Variants in MPRIP observed in about 807,000 individuals in gnomAD.
MPRIP encodes myosin phosphatase Rho interacting protein.
A neutral mutation model predicts 234.9 loss-of-function variants in MPRIP; 59 were observed. The observed-to-expected ratio is 0.25, with a 90% CI of 0.20 to 0.31. MPRIP has a LOEUF of 0.31. Ranked by LOEUF, MPRIP falls within the 10% of genes least tolerant of loss-of-function variation. The pLI, the probability that MPRIP is intolerant of heterozygous loss-of-function variation, is 1.00. For synonymous variants in MPRIP, 1,144 were observed against 1,263.9 expected, an observed-to-expected ratio of 0.91 and a Z score of 2.01; for missense variants, 2,436 against 3,071.0, an observed-to-expected ratio of 0.79 and a Z score of 4.89.
At chr17:17,169,866 C>A (rs1219841704) in intron 16 of MPRIP, among the ~76,000 whole-genome samples, 1 of 152,212 alleles carries the variant, frequency 6.6e-6, no homozygotes, top group African/African-American at 2.4e-5. Flanking sequence ...GAATGATTGG[C>A]TTAAATTAAC....
intron 2 of MPRIP, among the ~76,000 whole-genome samples, chr17:17,076,619 A>G (rs58472573): frequency 0.067 from 10,213 of 152,088 alleles, 494 homozygotes; most frequent in East Asian, 0.17. Context: ...TTCCTGGGAA[A>G]CATGTTCAGG....
At position 17,164,444 on chromosome 17, in the gene MPRIP, G is replaced by T. The variant is rs1279463570; in HGVS notation, c.2853G>T (p.Gln951His). Reference protein sequence around the residue: ...RQHSEAALSSQLRASEQKLKS... With the variant: ...RQHSEAALSSHLRASEQKLKS... The stretch of plus-strand genomic sequence containing the variant: ...ACAGCGAGGCGGCGCTGAGCAGCCA[G>T]CTGAGGGCTAGCGAGCAGAAGCTCA... The change falls in exon 16 of 24, where the codon CAG (glutamine) becomes CAT (histidine). Residue 951 changes from glutamine to histidine, a missense_variant. Gln to His is a conservative substitution (Grantham distance 24, BLOSUM62 0). This residue lies in a region of MPRIP where 1,998 missense variants were observed against 2,520.3 expected (regional missense o/e 0.79). Coordinates refer to ENST00000651222, the MANE Select transcript of MPRIP (RefSeq NM_001364716.4). 3.2e-6 allele frequency: 4 copies of T among 1,254,172 alleles called. No individual in the cohort carries two copies. Among genetic ancestry groups the T allele is most frequent in the African/African-American group, 3.1e-5 (2 of 64,676 alleles). The allele number at this position is 1,254,172 out of a possible 1,614,324, so 77.7% of individuals were successfully genotyped here. A position where few individuals can be genotyped will look rare whatever the true frequency, so the allele number is the denominator to read the frequency against.
At chr17:17,105,164 C>T (rs1437856290) in intron 3 of MPRIP, among the ~76,000 whole-genome samples, 1 of 152,202 alleles carries the variant, frequency 6.6e-6, no homozygotes, top group Non-Finnish European at 1.5e-5. Context: ...GGATGGGCAT[C>T]GCTTTCTCCC....
At chr17:17,139,512 T>G (rs1293751101) in intron 7 of MPRIP, among the ~76,000 whole-genome samples, 1 of 152,208 alleles carries the variant, frequency 6.6e-6, no homozygotes, top group Admixed American at 6.5e-5. Context: ...GTTCTGGAAG[T>G]CTTCTCAGAG....
chr17:17,047,769 T>C (rs1677149994), intron 1 of MPRIP, among the ~76,000 whole-genome samples: 1 of 152,110 alleles, frequency 6.6e-6, no homozygotes, highest in Non-Finnish European at 1.5e-5. Context: ...AAAAATAATA[T>C]GGTAAGTTTG....
At chr17:17,183,421 T>A (rs1219071745) in intron 23 of MPRIP, among the ~76,000 whole-genome samples, 1 of 152,216 alleles carries the variant, frequency 6.6e-6, no homozygotes, top group East Asian at 1.9e-4. Context: ...TTTCACTGTG[T>A]TAGCCAGGAT....
At chr17:17,111,724 G>A (rs2090175399) in intron 3 of MPRIP, among the ~76,000 whole-genome samples, 1 of 152,194 alleles carries the variant, frequency 6.6e-6, no homozygotes, top group African/African-American at 2.4e-5. Context: ...TGACTCAGCT[G>A]TTACGGGCGG....
intron 3 of MPRIP, among the ~76,000 whole-genome samples, chr17:17,091,434 C>T (rs1187690636): frequency 6.6e-6 from 1 of 152,176 alleles, no homozygotes; most frequent in African/African-American, 2.4e-5. Context: ...TCCCTCCCTG[C>T]CCGGATTGGT....
chr17:17,095,519 A>C (rs756113090), intron 3 of MPRIP, among the ~76,000 whole-genome samples: 1 of 152,098 alleles, frequency 6.6e-6, no homozygotes, highest in Admixed American at 6.5e-5. Flanking sequence ...TCTCCAATCT[A>C]GGAAGACCTG....
intron 3 of MPRIP, among the ~76,000 whole-genome samples, chr17:17,122,840 T>C (rs937586995): frequency 1.3e-5 from 2 of 152,226 alleles, no homozygotes; most frequent in African/African-American, 4.8e-5. Context: ...GTTAAACATA[T>C]AGTTTCCATA....
intron 3 of MPRIP, among the ~76,000 whole-genome samples, chr17:17,123,703 CAAAAAA>C (rs371753802): frequency 1.7e-5 from 1 of 59,296 alleles, no homozygotes; most frequent in East Asian, 4.4e-4. Context: ...GACTTCGTCT[CAAAAAA>C]AAAAAAAAAA....
chr17:17,183,426 C>T (rs1217067438), intron 23 of MPRIP, among the ~76,000 whole-genome samples: 2 of 152,184 alleles, frequency 1.3e-5, no homozygotes, highest in Non-Finnish European at 2.9e-5. Flanking sequence ...CTGTGTTAGC[C>T]AGGATGGTCT....
chr17:17,161,465 C>A, intron 15 of MPRIP, 109 bp downstream of exon 15: 1 of 613,338 alleles, frequency 1.6e-6, no homozygotes, highest in Non-Finnish European at 2.7e-6. Flanking sequence ...GCAGGGGTGT[C>A]TCCCAGGAGC....
At chr17:17,115,529 T>C (rs926523406) in intron 3 of MPRIP, among the ~76,000 whole-genome samples, 2 of 152,254 alleles carry the variant, frequency 1.3e-5, no homozygotes, top group African/African-American at 4.8e-5. Flanking sequence ...CTCCCTGTTA[T>C]CTGTGCAGTG....
At chr17:17,116,806 G>A (rs753020492) in intron 3 of MPRIP, among the ~76,000 whole-genome samples, 23 of 152,216 alleles carry the variant, frequency 1.5e-4, no homozygotes, top group Non-Finnish European at 2.6e-4. Context: ...TCAGCAGAGG[G>A]GCAGACCCTG....
At chr17:17,174,163 G>A in intron 19 of MPRIP, 88 bp downstream of exon 19, 1 of 1,473,662 alleles carries the variant, frequency 6.8e-7, no homozygotes, top group Middle Eastern at 1.8e-4. Context: ...CACTGGAGCT[G>A]GAGCCAGGCC....
chr17:17,131,305 G>T (rs1429487541), intron 4 of MPRIP, among the ~76,000 whole-genome samples: 1 of 152,208 alleles, frequency 6.6e-6, no homozygotes, highest in South Asian at 2.1e-4. Flanking sequence ...GCCCACTCTG[G>T]GAGAGCAGTG....
In MPRIP at chr17:17,078,566, C is replaced by T. The variant is rs2089389265; in HGVS notation, c.267+490C>T. On this transcript the variant is annotated intron_variant, in intron 3 of 23. Coordinates refer to ENST00000651222, the MANE Select transcript of MPRIP (RefSeq NM_001364716.4). The surrounding 1 kb of genome is among the most constrained non-coding windows in gnomAD (Gnocchi z 4.3). ...TTTCCGAGCTGACTTCAGAGGCCTC[C>T]TGGTCACAAGGTCATCGTTCTTCTG... 6.6e-6 allele frequency among the ~76,000 whole-genome samples: 1 copy of T among 152,214 alleles called. No individual in the cohort carries two copies. Among genetic ancestry groups the T allele is most frequent in the Admixed American group, 6.5e-5 (1 of 15,288 alleles).
At chr17:17,058,287 G>C (rs2088766429) in intron 1 of MPRIP, among the ~76,000 whole-genome samples, 1 of 152,106 alleles carries the variant, frequency 6.6e-6, no homozygotes, top group Non-Finnish European at 1.5e-5. Context: ...GATTCTAGGG[G>C]CCAGGGGGAG....
Sources: gnomAD v4.1 joint callset for allele counts (sites outside exome capture counted in the v4.1 genomes callset) on GRCh38, gnomAD v4.1.1 for gene constraint, gnomAD v4.1.1 regional missense constraint, Gnocchi (gnomAD v3.1) non-coding constraint, MANE v1.5 for transcripts, NCBI Gene and HGNC (gene_info 2026-07-23, HGNC 2026-07-21) for gene names.